Variants in CNTNAP2 observed in about 807,000 individuals in gnomAD.
CNTNAP2 encodes the protein contactin-associated protein-like 2.
CNTNAP2 carries 98 observed loss-of-function variants against 155.2 expected under a neutral mutation model. The ratio of observed to expected loss-of-function variants is 0.63; its 90% CI spans 0.54 to 0.75. The LOEUF is 0.75. Among genes scored for constraint, CNTNAP2 ranks in the 30% least tolerant of loss-of-function variants. CNTNAP2 has a pLI of 0.00. For missense variants in CNTNAP2, 1,727 were observed against 1,688.1 expected (o/e 1.02, Z -0.40); for synonymous variants, 651 against 631.2 (o/e 1.03, Z -0.47).
rs1464681360 is a variant in CNTNAP2 at position 147,532,454 on chromosome 7, C to G, written c.1778-29684C>G. 2.0e-5 allele frequency among the ~76,000 whole-genome samples: 3 copies of G among 152,188 alleles called. No individual in the cohort carries two copies. In the East Asian group the frequency reaches 5.8e-4, roughly 29 times the overall value. On this transcript the variant is annotated intron_variant, in intron 11 of 23. Transcript: ENST00000361727. Reference sequence around the variant, plus strand: ...TTGGACAAAGCCATTCAACAAGTCTCTAGGAGGTTCCAAACTTTCCCACAT... The same window carrying G: ...TTGGACAAAGCCATTCAACAAGTCTGTAGGAGGTTCCAAACTTTCCCACAT...
intron 8 of CNTNAP2, among the ~76,000 whole-genome samples, chr7:147,175,523 A>T (rs560623404): frequency 1.5e-4 from 23 of 152,236 alleles, no homozygotes; most frequent in Non-Finnish European, 3.1e-4. Context: ...TCCAAGACAC[A>T]GAACCTGCCC....
At chr7:146,506,393 A>G (rs1797385823) in intron 1 of CNTNAP2, among the ~76,000 whole-genome samples, 1 of 152,182 alleles carries the variant, frequency 6.6e-6, no homozygotes, top group African/African-American at 2.4e-5. Context: ...TACATAGACA[A>G]AGATAGACCA....
chr7:146,811,912 C>T (rs1299354263), intron 2 of CNTNAP2, among the ~76,000 whole-genome samples: 1 of 152,008 alleles, frequency 6.6e-6, no homozygotes, highest in African/African-American at 2.4e-5. Flanking sequence ...GTGTTGTTTC[C>T]CCTTCTGCCA....
chr7:146,910,140 C>G (rs1796240270), intron 3 of CNTNAP2, among the ~76,000 whole-genome samples: 1 of 133,100 alleles, frequency 7.5e-6, no homozygotes, highest in Non-Finnish European at 1.7e-5. Flanking sequence ...AACCACTGCT[C>G]AAGGAAATAA....
intron 15 of CNTNAP2, among the ~76,000 whole-genome samples, chr7:148,096,453 AT>A (rs1366923046): frequency 6.6e-6 from 1 of 152,160 alleles, no homozygotes. Flanking sequence ...TATCATAGAG[AT>A]TAATCACATA....
intron 20 of CNTNAP2, among the ~76,000 whole-genome samples, chr7:148,259,919 TTTAATGAGCCTCTA>T (rs1184927697): frequency 6.6e-6 from 1 of 152,228 alleles, no homozygotes; most frequent in East Asian, 1.9e-4. Flanking sequence ...AGTCTTTAAT[TTTAATGAGCCTCTA>T]TTACACAATC....
intron 3 of CNTNAP2, among the ~76,000 whole-genome samples, chr7:147,037,922 G>A (rs1488761463): frequency 1.3e-5 from 2 of 152,086 alleles, no homozygotes; most frequent in Non-Finnish European, 1.5e-5. Flanking sequence ...AATGGTTCAC[G>A]CCTATGGTAT....
intron 1 of CNTNAP2, among the ~76,000 whole-genome samples, chr7:146,272,867 A>G (rs1172404522): frequency 6.6e-6 from 1 of 152,200 alleles, no homozygotes; most frequent in Non-Finnish European, 1.5e-5. Context: ...TTTTTATGTT[A>G]GGGAAGATTT....
At chr7:147,274,393 G>A (rs1408243469) in intron 8 of CNTNAP2, among the ~76,000 whole-genome samples, 1 of 151,944 alleles carries the variant, frequency 6.6e-6, no homozygotes, top group Non-Finnish European at 1.5e-5. Context: ...TCTCATTGAG[G>A]CTTCAATTTG....
intron 18 of CNTNAP2, among the ~76,000 whole-genome samples, chr7:148,198,827 C>T (rs777805119): frequency 2.6e-5 from 4 of 152,172 alleles, no homozygotes; most frequent in Admixed American, 6.5e-5. Context: ...CACGCATTGC[C>T]GTAGAAAACT....
chr7:147,178,252 A>G (rs1802388191), intron 8 of CNTNAP2, among the ~76,000 whole-genome samples: 4 of 152,208 alleles, frequency 2.6e-5, no homozygotes, highest in Admixed American at 2.6e-4. Flanking sequence ...TCAGAAAATG[A>G]TAGGTCAAAG....
At chr7:147,316,162 T>A (rs1342485345) in intron 9 of CNTNAP2, among the ~76,000 whole-genome samples, 1 of 152,152 alleles carries the variant, frequency 6.6e-6, no homozygotes, top group Admixed American at 6.5e-5. Flanking sequence ...CTATGTTTAT[T>A]GTTTTGAAAA....
intron 8 of CNTNAP2, among the ~76,000 whole-genome samples, chr7:147,256,746 G>C (rs117454129): frequency 0.022 from 3,410 of 152,248 alleles, 65 homozygotes; most frequent in South Asian, 0.042. Context: ...TGTGTGAGGG[G>C]AGTGGTGGGG....
intron 3 of CNTNAP2, among the ~76,000 whole-genome samples, chr7:146,842,374 A>G (rs1215963102): frequency 1.3e-5 from 2 of 152,044 alleles, no homozygotes; most frequent in Non-Finnish European, 2.9e-5. Flanking sequence ...TTCCTTTCAA[A>G]TATTGTGTTT....
At chr7:146,281,052 A>G (rs373753745) in intron 1 of CNTNAP2, among the ~76,000 whole-genome samples, 17 of 152,296 alleles carry the variant, frequency 1.1e-4, no homozygotes, top group Admixed American at 8.5e-4. Context: ...GGGTTGACCT[A>G]CAAGAATTAC....
intron 1 of CNTNAP2, among the ~76,000 whole-genome samples, chr7:146,660,016 G>C (rs1055137579): frequency 1.3e-5 from 2 of 152,184 alleles, no homozygotes; most frequent in Admixed American, 6.5e-5. Context: ...CCAAGGGCAC[G>C]GTTATGCTGT....
At chr7:147,885,356 G>T (rs1258268961) in intron 13 of CNTNAP2, among the ~76,000 whole-genome samples, 1 of 152,202 alleles carries the variant, frequency 6.6e-6, no homozygotes, top group Non-Finnish European at 1.5e-5. Flanking sequence ...CAATGTTTAT[G>T]TGGAGTTGGT....
intron 3 of CNTNAP2, among the ~76,000 whole-genome samples, chr7:146,967,144 T>C (rs1382554850): frequency 6.6e-6 from 1 of 152,208 alleles, no homozygotes; most frequent in Non-Finnish European, 1.5e-5. Flanking sequence ...TTAATCTTCA[T>C]GATAGGCCTA....
intron 1 of CNTNAP2, among the ~76,000 whole-genome samples, chr7:146,318,253 T>G (rs1394812948): frequency 3.9e-5 from 6 of 152,178 alleles, no homozygotes; most frequent in Non-Finnish European, 8.8e-5. Context: ...TTTACACATT[T>G]AGTTCTGTTT....
Sources: allele counts gnomAD v4.1 joint callset (sites outside exome capture counted in the v4.1 genomes callset), GRCh38; gene constraint gnomAD v4.1.1; transcripts MANE v1.5; gene names NCBI Gene and HGNC (gene_info 2026-07-23, HGNC 2026-07-21).